Variants in CLPB observed in about 807,000 individuals in gnomAD.
The protein encoded by CLPB is ClpB family mitochondrial disaggregase.
A neutral mutation model predicts 78.4 loss-of-function variants in CLPB; 40 were observed. That is an observed-to-expected ratio of 0.51 (90% CI 0.40 to 0.66). CLPB has a LOEUF of 0.66. Among genes scored for constraint, CLPB ranks in the 30% least tolerant of loss-of-function variants. The probability of loss-of-function intolerance (pLI) is 0.00; values close to 1 mark genes in which losing one functional copy is unlikely to be tolerated. For synonymous variants in CLPB, 333 were observed against 348.0 expected (o/e 0.96, Z 0.48); for missense variants, 780 against 886.9 (o/e 0.88, Z 1.53).
chr11:72,429,802 G>C (rs1375797421), intron 2 of CLPB, among the ~76,000 whole-genome samples: 4 of 152,250 alleles, frequency 2.6e-5, no homozygotes, highest in Non-Finnish European at 5.9e-5. Flanking sequence ...AGCTGAGCCA[G>C]TGAAGCTACA....
chr11:72,310,475 T>C (rs975159821), intron 7 of CLPB, among the ~76,000 whole-genome samples: 1 of 152,202 alleles, frequency 6.6e-6, no homozygotes, highest in African/African-American at 2.4e-5. Flanking sequence ...GAGGGAAAAG[T>C]GCAAGCTTGG....
chr11:72,367,432 G>A (rs951829620), intron 4 of CLPB, among the ~76,000 whole-genome samples: 1 of 152,164 alleles, frequency 6.6e-6, no homozygotes, highest in Non-Finnish European at 1.5e-5. Flanking sequence ...CCAAAGTGCT[G>A]GGATTACAGG....
At chr11:72,408,523 C>T (rs866654873) in intron 2 of CLPB, among the ~76,000 whole-genome samples, 2 of 151,770 alleles carry the variant, frequency 1.3e-5, no homozygotes, top group South Asian at 4.2e-4. Flanking sequence ...AAAAATTAGC[C>T]GGGTGTGGTG....
chr11:72,349,135 G>A (rs974767816), intron 5 of CLPB, among the ~76,000 whole-genome samples: 7 of 152,182 alleles, frequency 4.6e-5, no homozygotes, highest in Admixed American at 3.9e-4. Context: ...AAATATTACA[G>A]TGAAAGGAAG....
chr11:72,387,200 G>A (rs1216160087), intron 3 of CLPB, among the ~76,000 whole-genome samples: 2 of 152,084 alleles, frequency 1.3e-5, no homozygotes, highest in East Asian at 3.8e-4. Flanking sequence ...TGGAGAGAAG[G>A]GAAAGTTCTG....
intron 11 of CLPB, among the ~76,000 whole-genome samples, chr11:72,301,401 G>A (rs78931875): frequency 0.013 from 1,974 of 152,280 alleles, 42 homozygotes; most frequent in African/African-American, 0.044. Context: ...AAGGATTTTT[G>A]GGGCTTCTCT....
At chr11:72,296,487 T>A (rs1949553478) in intron 11 of CLPB, among the ~76,000 whole-genome samples, 1 of 152,184 alleles carries the variant, frequency 6.6e-6, no homozygotes, top group Admixed American at 6.5e-5. Context: ...AAGTACAGTG[T>A]TCTGGGACCA....
intron 3 of CLPB, among the ~76,000 whole-genome samples, chr11:72,395,610 G>A (rs774800681): frequency 5.3e-5 from 8 of 152,196 alleles, no homozygotes; most frequent in African/African-American, 9.7e-5. Flanking sequence ...ATCAACTACT[G>A]CCATCATCAT....
chr11:72,325,062 AG>A (rs1458136396), intron 6 of CLPB, among the ~76,000 whole-genome samples: 1 of 151,742 alleles, frequency 6.6e-6, no homozygotes, highest in African/African-American at 2.4e-5. Flanking sequence ...CGGTGCAGTG[AG>A]GATTGGGAGT....
At chr11:72,355,993 C>G (rs748028955) in intron 5 of CLPB, among the ~76,000 whole-genome samples, 1 of 152,052 alleles carries the variant, frequency 6.6e-6, no homozygotes, top group South Asian at 2.1e-4. Flanking sequence ...CTAAGAAAAC[C>G]GGATGGGGCT....
At chr11:72,405,351 T>C (rs1034853455) in intron 2 of CLPB, among the ~76,000 whole-genome samples, 5 of 152,198 alleles carry the variant, frequency 3.3e-5, no homozygotes, top group Non-Finnish European at 7.3e-5. Flanking sequence ...GCTAAGGCAG[T>C]GGGCATAAAC....
At chr11:72,415,067 T>A (rs996825915) in intron 2 of CLPB, among the ~76,000 whole-genome samples, 1 of 151,958 alleles carries the variant, frequency 6.6e-6, no homozygotes. Flanking sequence ...AATACAAAAA[T>A]TAGCCAGGCA....
chr11:72,429,989 T>A (rs1034259005), intron 2 of CLPB, among the ~76,000 whole-genome samples: 3 of 152,158 alleles, frequency 2.0e-5, no homozygotes, highest in Non-Finnish European at 2.9e-5. Context: ...TACATGGCCA[T>A]TCCCAAAGAA....
rs368624249 is a variant in CLPB, at chr11:72,434,441, G to A, written c.34C>T (p.Leu12=). 6.4e-7 allele frequency: 1 copy of A among 1,573,582 alleles called. No homozygotes were observed. ...LGSLVLRRKA[L]APRLLLRLLR... ...AGCCGGAGGAGTAGCCGTGGCGCCA[G>A]TGCTTTTCTCCTCAACACCAGGGAC... Residue 12 remains leucine (L), a synonymous_variant, in exon 1 of 16, where the codon CTG becomes TTG. Coordinates refer to ENST00000538039, the MANE Select transcript of CLPB (RefSeq NM_001258392.3).
chr11:72,347,226 A>G (rs1273687715), intron 5 of CLPB, among the ~76,000 whole-genome samples: 1 of 152,156 alleles, frequency 6.6e-6, no homozygotes. Context: ...GATGAGGAGC[A>G]GGATATTTTT....
At chr11:72,368,491 T>C (rs897965108) in intron 4 of CLPB, among the ~76,000 whole-genome samples, 9 of 152,222 alleles carry the variant, frequency 5.9e-5, no homozygotes, top group African/African-American at 1.4e-4. Context: ...AGTGATTACA[T>C]GGCTTTATTA....
chr11:72,397,658 C>T lies in CLPB; in HGVS notation c.542+5308G>A, dbSNP rs138295003. On this transcript the variant is annotated intron_variant, in intron 3 of 15. Transcript: ENST00000538039. ...GCCACCCATCTCTTTTTCGATGAAGCATCTGCTAAAATATTTTGCCCATTT... is the reference window on the plus strand; with the variant it reads ...GCCACCCATCTCTTTTTCGATGAAGTATCTGCTAAAATATTTTGCCCATTT... Among the ~76,000 whole-genome samples, 423 of 152,254 alleles carry T rather than the reference C, an allele frequency of 2.8e-3. 1 individual carries two copies. The highest frequency in any genetic ancestry group is 3.6e-3 in the Non-Finnish European group (245 of 68,022).
At chr11:72,409,127 G>A (rs1417463946) in intron 2 of CLPB, among the ~76,000 whole-genome samples, 1 of 152,322 alleles carries the variant, frequency 6.6e-6, no homozygotes, top group South Asian at 2.1e-4. Flanking sequence ...GTGTCCAGGG[G>A]CTAGAGAGGC....
intron 2 of CLPB, among the ~76,000 whole-genome samples, chr11:72,410,356 T>G (rs529229779): frequency 1.3e-5 from 2 of 152,320 alleles, no homozygotes; most frequent in East Asian, 3.9e-4. Context: ...TCCTGCTCTC[T>G]AAGCCTGTTT....
Sources: gnomAD v4.1 joint callset for allele counts (sites outside exome capture counted in the v4.1 genomes callset) on GRCh38, gnomAD v4.1.1 for gene constraint, MANE v1.5 for transcripts, NCBI Gene and HGNC (gene_info 2026-07-23, HGNC 2026-07-21) for gene names.